Variants in IFT57 observed in about 807,000 individuals in gnomAD.
IFT57 encodes intraflagellar transport 57.
IFT57 carries 59 observed loss-of-function variants against 56.8 expected under a neutral mutation model. The ratio of observed to expected loss-of-function variants is 1.04; its 90% CI spans 0.84 to 1.29. The LOEUF is 1.29. IFT57 is among the 50% of genes most tolerant of loss of function. The probability of loss-of-function intolerance (pLI) is 0.00; values close to 1 mark genes in which losing one functional copy is unlikely to be tolerated. For missense variants in IFT57, 470 were observed against 522.1 expected (o/e 0.90, Z 0.97); for synonymous variants, 209 against 186.1 (o/e 1.12, Z -1.00).
chr3:108,185,547 T>C (rs2080176639), intron 6 of IFT57, among the ~76,000 whole-genome samples: 1 of 144,022 alleles, frequency 6.9e-6, no homozygotes, highest in Non-Finnish European at 1.5e-5. Flanking sequence ...ATGTGAGCAC[T>C]AGGATTTTTT....
Position 108,177,937 on chromosome 3 carries a change from T to C in IFT57, c.778-10073A>G, listed in dbSNP as rs78805952. Among the ~76,000 whole-genome samples, 413 of 151,770 alleles carry C rather than the reference T, an allele frequency of 2.7e-3. 4 individuals carry two copies. The highest frequency in any genetic ancestry group is 9.4e-3 in the African/African-American group (391 of 41,458). On this transcript the variant is annotated intron_variant, in intron 6 of 10. Transcript: ENST00000264538. ...TAATTATAAATCAGAAAAGTCAAAA[T>C]AACTTACAGGCCTACTGTTTAAAGT...
chr3:108,165,281 G>A (rs1457341207), intron 9 of IFT57, 150 bp downstream of exon 9: 2 of 590,656 alleles, frequency 3.4e-6, no homozygotes, highest in Non-Finnish European at 6.1e-6. Flanking sequence ...TATTGATTCA[G>A]TCATAGGAAA....
intron 6 of IFT57, among the ~76,000 whole-genome samples, chr3:108,182,242 C>T (rs984299925): frequency 6.6e-6 from 1 of 152,046 alleles, no homozygotes; most frequent in Non-Finnish European, 1.5e-5. Context: ...ACTCTCTCCA[C>T]TGCTTTGGAA....
At chr3:108,210,506 G>T (rs1009435603) in intron 4 of IFT57, among the ~76,000 whole-genome samples, 1 of 151,710 alleles carries the variant, frequency 6.6e-6, no homozygotes, top group African/African-American at 2.4e-5. Context: ...TCTAATTTTT[G>T]TATTTTTGTA....
chr3:108,221,269 T>A (rs1416649786), intron 1 of IFT57, among the ~76,000 whole-genome samples: 3 of 152,234 alleles, frequency 2.0e-5, no homozygotes, highest in African/African-American at 7.2e-5. Context: ...TGATTGCCTT[T>A]TATGGAATAA....
chr3:108,203,374 T>C (rs1274703343), intron 5 of IFT57, among the ~76,000 whole-genome samples: 1 of 152,252 alleles, frequency 6.6e-6, no homozygotes, highest in Non-Finnish European at 1.5e-5. Flanking sequence ...CTTTTTCATT[T>C]GCATTCTCAC....
At chr3:108,172,134 A>AG (rs1312609875) in intron 6 of IFT57, among the ~76,000 whole-genome samples, 1 of 151,894 alleles carries the variant, frequency 6.6e-6, no homozygotes, top group Non-Finnish European at 1.5e-5. Context: ...GATAGTGTAC[A>AG]CTGATGTAAA....
chr3:108,181,811 T>C (rs770243794), intron 6 of IFT57, among the ~76,000 whole-genome samples: 1 of 152,100 alleles, frequency 6.6e-6, no homozygotes, highest in Non-Finnish European at 1.5e-5. Context: ...ACCGACTTAT[T>C]GCCACCTGTA....
At chr3:108,187,508 A>G (rs2080190704) in intron 6 of IFT57, among the ~76,000 whole-genome samples, 1 of 152,054 alleles carries the variant, frequency 6.6e-6, no homozygotes, top group African/African-American at 2.4e-5. Flanking sequence ...AATGTGTGAG[A>G]GAAGACTGCT....
chr3:108,203,008 G>A (rs62267877), intron 5 of IFT57, among the ~76,000 whole-genome samples: 12,898 of 152,260 alleles, frequency 0.085, 625 homozygotes, highest in Middle Eastern at 0.12. Context: ...CAACTATGCT[G>A]TGGTAATTAG....
At chr3:108,167,755 G>A in intron 7 of IFT57, 38 bp downstream of exon 7, 1 of 1,361,154 alleles carries the variant, frequency 7.3e-7, no homozygotes, top group African/African-American at 1.5e-5. Context: ...CCACAGATGA[G>A]TAAATGTACA....
intron 5 of IFT57, among the ~76,000 whole-genome samples, chr3:108,205,974 ATATATAATATATAATATATT>A: frequency 5.9e-5 from 2 of 33,846 alleles, no homozygotes; most frequent in South Asian, 1.2e-3. Flanking sequence ...TTATATATTT[ATATATAATATATAATATATT>A]TATGTTATAT....
intron 4 of IFT57, among the ~76,000 whole-genome samples, chr3:108,209,147 T>G (rs1465940356): frequency 6.6e-6 from 1 of 151,780 alleles, no homozygotes; most frequent in Non-Finnish European, 1.5e-5. Context: ...GTGATTGTTA[T>G]GAATATTTCC....
chr3:108,217,901 T>A (rs1478787020), intron 3 of IFT57, among the ~76,000 whole-genome samples: 6 of 151,922 alleles, frequency 3.9e-5, no homozygotes, highest in Non-Finnish European at 8.8e-5. Flanking sequence ...CTATTAAACA[T>A]CTAAGATACA....
intron 4 of IFT57, among the ~76,000 whole-genome samples, chr3:108,207,904 G>A (rs1222050354): frequency 8.5e-5 from 13 of 152,216 alleles, no homozygotes; most frequent in African/African-American, 2.6e-4. Context: ...TTAGCCGGGC[G>A]TGGTGGCGGG....
chr3:108,209,476 G>A (rs2080331999), intron 4 of IFT57, among the ~76,000 whole-genome samples: 1 of 152,092 alleles, frequency 6.6e-6, no homozygotes, highest in South Asian at 2.1e-4. Context: ...GTTGACAAGG[G>A]GTCGACTTTT....
At chr3:108,206,339 T>C (rs2080314080) in intron 5 of IFT57, among the ~76,000 whole-genome samples, 1 of 151,634 alleles carries the variant, frequency 6.6e-6, no homozygotes, top group African/African-American at 2.4e-5. Flanking sequence ...AATAGAATAT[T>C]TGATGTCTTT....
At chr3:108,177,357 T>C (rs2080129805) in intron 6 of IFT57, among the ~76,000 whole-genome samples, 1 of 151,770 alleles carries the variant, frequency 6.6e-6, no homozygotes, top group South Asian at 2.1e-4. Context: ...CCAACTTGTT[T>C]TATGAGACCT....
chr3:108,220,660 TGG>T (rs2080401160), intron 1 of IFT57, among the ~76,000 whole-genome samples: 2 of 152,182 alleles, frequency 1.3e-5, no homozygotes, highest in Non-Finnish European at 2.9e-5. Flanking sequence ...CCTAGGACAG[TGG>T]TTCCCAAACA....
Sources: gnomAD v4.1 joint callset for allele counts (sites outside exome capture counted in the v4.1 genomes callset) on GRCh38, gnomAD v4.1.1 for gene constraint, MANE v1.5 for transcripts, NCBI Gene and HGNC (gene_info 2026-07-23, HGNC 2026-07-21) for gene names.